CRMP1: variants seen among roughly 807,000 people sequenced by gnomAD.
CRMP1 encodes the protein dihydropyrimidinase-related protein 1.
A neutral mutation model predicts 68.3 loss-of-function variants in CRMP1; 19 were observed. The observed-to-expected ratio is 0.28, with a 90% CI of 0.19 to 0.41. CRMP1 has a LOEUF of 0.41. CRMP1 is among the 10% of genes least tolerant of loss of function. CRMP1 has a pLI of 1.00. For missense variants in CRMP1, 791 were observed against 967.4 expected (o/e 0.82, Z 2.42); for synonymous variants, 439 against 399.6 (o/e 1.10, Z -1.18).
Position 5,859,224 on chromosome 4 carries a change from G to A in CRMP1, c.655+1802C>T, listed in dbSNP as rs985015866. On this transcript the variant is annotated intron_variant, in intron 3 of 13. Transcript: ENST00000324989. This position sits in a 1 kb window ranked among gnomAD's most constrained non-coding sequence, Gnocchi z 5.2. ...CTGTTGAATGAAGATGGGGAAGGGC[G>A]GGGACCCTTTCAGAGCCCTGGACTG... 7.9e-5 allele frequency among the ~76,000 whole-genome samples: 12 copies of A among 152,144 alleles called. No individual in the cohort carries two copies. Among genetic ancestry groups the A allele is most frequent in the African/African-American group, 1.2e-4 (5 of 41,438 alleles).
intron 1 of CRMP1, among the ~76,000 whole-genome samples, chr4:5,884,204 T>C (rs777784386): frequency 1.3e-5 from 2 of 152,214 alleles, no homozygotes; most frequent in African/African-American, 2.4e-5. Flanking sequence ...AAATCCTTTG[T>C]GTAAAAAGGC....
At chr4:5,867,646 C>CT (rs554602836) in intron 1 of CRMP1, among the ~76,000 whole-genome samples, 268 of 152,202 alleles carry the variant, frequency 1.8e-3, no homozygotes, top group African/African-American at 6.1e-3. Context: ...GAGCTGGAAT[C>CT]TGCTTTCAGG....
At chr4:5,828,755 T>C (rs533741855) in intron 11 of CRMP1, 87 bp from the exon 12 acceptor site, 1 of 1,448,584 alleles carries the variant, frequency 6.9e-7, no homozygotes, top group African/African-American at 1.4e-5. Context: ...TAACATTATA[T>C]CATAAGCGTG....
At chr4:5,848,531 G>A (rs2152462203) in intron 6 of CRMP1, among the ~76,000 whole-genome samples, 1 of 152,290 alleles carries the variant, frequency 6.6e-6, no homozygotes, top group South Asian at 2.1e-4. Flanking sequence ...TCCACAGCTA[G>A]AATTATCAAA....
chr4:5,843,198 G>T lies in CRMP1; in HGVS notation c.964-37C>A. 1.2e-6 allele frequency: 2 copies of T among 1,610,046 alleles called. No individual in the cohort carries two copies. The highest frequency in any genetic ancestry group is 1.7e-6 in the Non-Finnish European group (2 of 1,176,342). On this transcript the variant is annotated intron_variant, in intron 6 of 13. Coordinates refer to ENST00000324989, the MANE Select transcript of CRMP1 (RefSeq NM_001014809.3). This position sits in a 1 kb window ranked among gnomAD's most constrained non-coding sequence, Gnocchi z 4.1. ...GAACAAGTGAGTTAACGATTAGAGG[G>T]TGTCAGAGCTGGGAGAAGTGACTCC...
rs1003081778 is a variant in CRMP1, at chr4:5,878,742, CA to C, written c.382-11987del. Among the ~76,000 whole-genome samples the C allele has an allele frequency of 2.9e-4, 44 of 152,250 alleles. 1 individual carries two copies. Among genetic ancestry groups the C allele is most frequent in the Admixed American group, 5.2e-4 (8 of 15,300 alleles). On this transcript the variant is annotated intron_variant, in intron 1 of 13. Coordinates refer to ENST00000324989, the MANE Select transcript of CRMP1 (RefSeq NM_001014809.3). Reference sequence around the variant, plus strand: ...CTGTGCTTCTGTTTCTCATCAAATGCAGAGGAAAATTTTGAATGTGAAATGA... The same window carrying C: ...CTGTGCTTCTGTTTCTCATCAAATGCGAGGAAAATTTTGAATGTGAAATGA...
In CRMP1 at chr4:5,838,490, C is replaced by G. The variant is rs1001568168; in HGVS notation, c.1310+1032G>C. ...GAAATAGAAAGTCTTGGTCGGAAGCCAGGGATGATGGTGGCCTGAGCCAGG... is the reference window on the plus strand; with the variant it reads ...GAAATAGAAAGTCTTGGTCGGAAGCGAGGGATGATGGTGGCCTGAGCCAGG... On this transcript the variant is annotated intron_variant, in intron 9 of 13. Coordinates refer to ENST00000324989, the MANE Select transcript of CRMP1 (RefSeq NM_001014809.3). The surrounding 1 kb of genome is among the most constrained non-coding windows in gnomAD (Gnocchi z 4.9). Among the ~76,000 whole-genome samples, 13 of 152,042 alleles carry G rather than the reference C, an allele frequency of 8.6e-5. No homozygotes were observed. Among genetic ancestry groups the G allele is most frequent in the African/African-American group, 3.1e-4 (13 of 41,384 alleles).
intron 4 of CRMP1, among the ~76,000 whole-genome samples, chr4:5,852,712 AG>A (rs1241034026): frequency 1.3e-5 from 2 of 152,182 alleles, no homozygotes; most frequent in Non-Finnish European, 2.9e-5. Context: ...CCCTGCCCGT[AG>A]GGGGCTCGCC....
At position 5,892,171 on chromosome 4, in the gene CRMP1, G is replaced by C. The variant is rs1715980906; in HGVS notation, c.381+418C>G. 6.6e-6 allele frequency among the ~76,000 whole-genome samples: 1 copy of C among 152,126 alleles called. No homozygotes were observed. Among genetic ancestry groups the C allele is most frequent in the Admixed American group, 6.5e-5 (1 of 15,286 alleles). On this transcript the variant is annotated intron_variant, in intron 1 of 13. Transcript: ENST00000324989. This position sits in a 1 kb window ranked among gnomAD's most constrained non-coding sequence, Gnocchi z 8.6. ...AGGTGCTCTATAATTACTACCGACTGAGTGGATGGATGAATGGACCAACAC... is the reference window on the plus strand; with the variant it reads ...AGGTGCTCTATAATTACTACCGACTCAGTGGATGGATGAATGGACCAACAC...
intron 1 of CRMP1, among the ~76,000 whole-genome samples, chr4:5,880,543 C>T (rs760675963): frequency 2.0e-5 from 3 of 152,166 alleles, no homozygotes; most frequent in Non-Finnish European, 4.4e-5. Flanking sequence ...TACTCAAGGC[C>T]CTGGGCAGAG....
chr4:5,888,404 C>T lies in CRMP1; in HGVS notation c.381+4185G>A. 4 of 1,219,290 alleles carry T rather than the reference C, an allele frequency of 3.3e-6. No individual in the cohort carries two copies. Among genetic ancestry groups the T allele is most frequent in the East Asian group, 6.5e-5 (2 of 30,644 alleles). The allele number at this position is 1,219,290 out of a possible 1,614,324, so 75.5% of individuals were successfully genotyped here. ...GAGACACGGACGGAGGCTCGGCGCC[C>T]GTGGATGCCCACGCGCGGCTGCCCC... On this transcript the variant is annotated intron_variant, in intron 1 of 13. Transcript: ENST00000324989. The surrounding 1 kb of genome is among the most constrained non-coding windows in gnomAD (Gnocchi z 6.4).
rs140119075 is a variant in CRMP1 at position 5,879,815 on chromosome 4, G to C, written c.381+12774C>G. ...GTTCCCAGTAATTAAAGTTTTATTT[G>C]GATTCCTTTTTATTCTGCATGTTCA... On this transcript the variant is annotated intron_variant, in intron 1 of 13. Coordinates refer to ENST00000324989, the MANE Select transcript of CRMP1 (RefSeq NM_001014809.3). This position sits in a 1 kb window ranked among gnomAD's most constrained non-coding sequence, Gnocchi z 4.2. 2.5e-3 allele frequency among the ~76,000 whole-genome samples: 380 copies of C among 151,684 alleles called. 2 individuals carry two copies. Among genetic ancestry groups the C allele is most frequent in the African/African-American group, 8.6e-3 (356 of 41,268 alleles).
At chr4:5,823,040 A>AT (rs1048953275) in intron 13 of CRMP1, among the ~76,000 whole-genome samples, 5 of 151,986 alleles carry the variant, frequency 3.3e-5, no homozygotes, top group African/African-American at 9.7e-5. Flanking sequence ...GTCTTGGTGA[A>AT]TTTTTTTTAC....
chr4:5,824,232 A>G, intron 13 of CRMP1: 1 of 941,286 alleles, frequency 1.1e-6, no homozygotes, highest in Middle Eastern at 5.4e-4. Context: ...TTGCACCCAG[A>G]TAGCTTTTTC....
At chr4:5,880,238 C>G (rs1715140596) in intron 1 of CRMP1, among the ~76,000 whole-genome samples, 1 of 152,152 alleles carries the variant, frequency 6.6e-6, no homozygotes, top group African/African-American at 2.4e-5. Context: ...AGGGGAGAAG[C>G]AGTAGACAGA....
Position 5,888,378 on chromosome 4 carries a change from A to G in CRMP1, c.381+4211T>C. On this transcript the variant is annotated intron_variant, in intron 1 of 13. Transcript: ENST00000324989. This position sits in a 1 kb window ranked among gnomAD's most constrained non-coding sequence, Gnocchi z 6.4. The stretch of plus-strand genomic sequence containing the variant: ...GCGCTGACAAAGGCCCGGGAGGGAT[A>G]GAGACACGGACGGAGGCTCGGCGCC... 4.9e-6 allele frequency: 6 copies of G among 1,225,622 alleles called. No individual in the cohort carries two copies. Among genetic ancestry groups the G allele is most frequent in the Non-Finnish European group, 5.1e-6 (5 of 982,150 alleles). 75.9% of individuals were successfully genotyped at this position (1,225,622 alleles called of 1,614,324 possible). A position where few individuals can be genotyped will look rare whatever the true frequency, so the allele number is the denominator to read the frequency against.
intron 1 of CRMP1, among the ~76,000 whole-genome samples, chr4:5,868,953 T>C (rs1714240160): frequency 6.6e-6 from 1 of 152,108 alleles, no homozygotes; most frequent in South Asian, 2.1e-4. Context: ...GTGTTCCTTT[T>C]CTTTTTTCTT....
chr4:5,831,141 G>A (rs1720354527), intron 11 of CRMP1, among the ~76,000 whole-genome samples: 1 of 151,902 alleles, frequency 6.6e-6, no homozygotes, highest in Admixed American at 6.6e-5. Flanking sequence ...GTAGAGGCAG[G>A]GTCTCACTAT....
rs550541495 is a variant in CRMP1, at chr4:5,841,464, G to T, written c.1033-36C>A. 17 of 1,611,500 alleles carry T rather than the reference G, an allele frequency of 1.1e-5. No homozygotes were observed. Among genetic ancestry groups the T allele is most frequent in the Non-Finnish European group, 1.4e-5 (17 of 1,177,968 alleles). On this transcript the variant is annotated intron_variant, in intron 7 of 13. Coordinates refer to ENST00000324989, the MANE Select transcript of CRMP1 (RefSeq NM_001014809.3). The surrounding 1 kb of genome is among the most constrained non-coding windows in gnomAD (Gnocchi z 6.9). ...CACACACAGTGTCACAGGAGGGAAGGCTGGTGTAACAGCTACCACCCATCT... is the reference window on the plus strand; with the variant it reads ...CACACACAGTGTCACAGGAGGGAAGTCTGGTGTAACAGCTACCACCCATCT...
Sources: gnomAD v4.1 joint callset for allele counts (sites outside exome capture counted in the v4.1 genomes callset) on GRCh38, gnomAD v4.1.1 for gene constraint, Gnocchi (gnomAD v3.1) non-coding constraint, MANE v1.5 for transcripts, NCBI Gene and HGNC (gene_info 2026-07-23, HGNC 2026-07-21) for gene names.